WWOX: variants seen among roughly 807,000 people sequenced by gnomAD.
The protein encoded by WWOX is WW domain-containing oxidoreductase.
Under a neutral mutation model 46.2 loss-of-function variants are expected in WWOX, and 69 were observed. That is an observed-to-expected ratio of 1.49 (90% confidence interval 1.23 to 1.82). WWOX has a LOEUF of 1.82. WWOX is among the 40% of genes most tolerant of loss of function. The probability of loss-of-function intolerance (pLI) is 0.00; values close to 1 mark genes in which losing one functional copy is unlikely to be tolerated. For synonymous variants in WWOX, 359 were observed against 202.6 expected (o/e 1.77, Z -6.56); for missense variants, 919 against 542.6 (o/e 1.69, Z -6.89).
chr16:78,745,918 G>C (rs2049337441), intron 8 of WWOX, among the ~76,000 whole-genome samples: 2 of 152,034 alleles, frequency 1.3e-5, no homozygotes, highest in South Asian at 4.2e-4. Flanking sequence ...AACCTGCCAA[G>C]GAAAACACTC....
intron 8 of WWOX, among the ~76,000 whole-genome samples, chr16:79,134,844 C>G (rs1032222572): frequency 3.3e-5 from 5 of 152,116 alleles, no homozygotes; most frequent in Non-Finnish European, 7.4e-5. Flanking sequence ...TGGGTCCCCA[C>G]CAGGGGTGGC....
intron 8 of WWOX, among the ~76,000 whole-genome samples, chr16:79,086,439 A>C (rs1437482867): frequency 1.3e-5 from 2 of 152,206 alleles, no homozygotes; most frequent in African/African-American, 4.8e-5. Flanking sequence ...GCTCTAATTT[A>C]CTTAAGATGA....
chr16:78,336,434 A>T (rs2080889646), intron 5 of WWOX, among the ~76,000 whole-genome samples: 1 of 141,952 alleles, frequency 7.0e-6, no homozygotes, highest in African/African-American at 2.6e-5. Flanking sequence ...TGAATCCAGG[A>T]GGTGAACGTT....
intron 8 of WWOX, among the ~76,000 whole-genome samples, chr16:78,955,976 A>C (rs1008740202): frequency 6.6e-6 from 1 of 150,498 alleles, no homozygotes; most frequent in East Asian, 1.9e-4. Context: ...TTAGAAAAAA[A>C]CAAAAAACAA....
chr16:78,311,302 A>T (rs180820969), intron 5 of WWOX, among the ~76,000 whole-genome samples: 1 of 152,208 alleles, frequency 6.6e-6, no homozygotes, highest in African/African-American at 2.4e-5. Context: ...ATATAAACAA[A>T]TTCCTTTCTT....
chr16:79,041,691 A>C (rs1025620689), intron 8 of WWOX, among the ~76,000 whole-genome samples: 9 of 152,158 alleles, frequency 5.9e-5, no homozygotes, highest in Admixed American at 2.0e-4. Context: ...TGCAAATGGC[A>C]AGGGCATGAG....
intron 8 of WWOX, among the ~76,000 whole-genome samples, chr16:78,748,799 A>G (rs1597542393): frequency 6.6e-6 from 1 of 152,358 alleles, no homozygotes; most frequent in East Asian, 1.9e-4. Flanking sequence ...TTGCCCTCTG[A>G]CACGGCAAAC....
intron 8 of WWOX, among the ~76,000 whole-genome samples, chr16:79,161,589 C>A (rs1327032221): frequency 6.6e-6 from 1 of 152,144 alleles, no homozygotes; most frequent in Non-Finnish European, 1.5e-5. Context: ...GTGGCGTGAT[C>A]TTGGCTCACT....
intron 8 of WWOX, among the ~76,000 whole-genome samples, chr16:79,182,871 C>G (rs2050939754): frequency 6.6e-6 from 1 of 152,156 alleles, no homozygotes; most frequent in African/African-American, 2.4e-5. Flanking sequence ...GTAATTCCAG[C>G]TAGGCAAAGA....
chr16:78,884,853 C>A (rs780964062), intron 8 of WWOX, among the ~76,000 whole-genome samples: 1 of 152,172 alleles, frequency 6.6e-6, no homozygotes, highest in South Asian at 2.1e-4. Context: ...TCATATCTGA[C>A]AGTTGTTGAG....
chr16:78,615,033 C>A (rs967816619), intron 8 of WWOX, among the ~76,000 whole-genome samples: 1 of 152,160 alleles, frequency 6.6e-6, no homozygotes, highest in Non-Finnish European at 1.5e-5. Context: ...GAAGGTAGGG[C>A]TAATGCATTG....
intron 8 of WWOX, among the ~76,000 whole-genome samples, chr16:79,160,882 TACACATATAC>T (rs2050473357): frequency 2.1e-5 from 2 of 93,916 alleles, no homozygotes; most frequent in East Asian, 9.5e-4. Context: ...ATTGTGTACA[TACACATATAC>T]ATATACACAT....
chr16:79,123,104 C>T (rs942421736), intron 8 of WWOX, among the ~76,000 whole-genome samples: 5 of 152,146 alleles, frequency 3.3e-5, no homozygotes, highest in South Asian at 2.1e-4. Flanking sequence ...AATTTCTGGT[C>T]TGTGCGTGCT....
intron 8 of WWOX, among the ~76,000 whole-genome samples, chr16:79,074,508 G>T (rs1417517876): frequency 7.0e-6 from 1 of 143,682 alleles, no homozygotes; most frequent in East Asian, 2.1e-4. Flanking sequence ...GGAATGGAGA[G>T]ACCTGGGATT....
chr16:78,874,691 T>C (rs1271940609), intron 8 of WWOX, among the ~76,000 whole-genome samples: 4 of 143,252 alleles, frequency 2.8e-5, no homozygotes, highest in East Asian at 2.0e-4. Context: ...TTTCTTTTTT[T>C]TTTTTTTTTT....
At chr16:79,069,420 G>C (rs2048506787) in intron 8 of WWOX, among the ~76,000 whole-genome samples, 2 of 152,116 alleles carry the variant, frequency 1.3e-5, no homozygotes, top group Non-Finnish European at 2.9e-5. Context: ...TTAAACTGTG[G>C]TTTAAAGACC....
chr16:79,129,496 A>G lies in WWOX; in HGVS notation c.1057-82112A>G, dbSNP rs1471474549. On this transcript the variant is annotated intron_variant, in intron 8 of 8. Transcript: ENST00000566780. The stretch of plus-strand genomic sequence containing the variant: ...TACATGATTGTGTTTTAAAAGCTAC[A>G]TACATTAGGTTTAAGCTGCAGAAAA... Among the ~76,000 whole-genome samples the G allele has an allele frequency of 3.3e-5, 5 of 151,644 alleles. No homozygotes were observed. In the East Asian group the frequency reaches 5.8e-4, roughly 18 times the overall value.
At chr16:78,922,758 G>A (rs1343586815) in intron 8 of WWOX, among the ~76,000 whole-genome samples, 1 of 152,278 alleles carries the variant, frequency 6.6e-6, no homozygotes, top group East Asian at 1.9e-4. Context: ...GGAAGCTGAG[G>A]CTCACAGGTT....
intron 8 of WWOX, among the ~76,000 whole-genome samples, chr16:79,078,764 A>T (rs1467278673): frequency 6.6e-6 from 1 of 152,234 alleles, no homozygotes; most frequent in East Asian, 1.9e-4. Context: ...TCCATCTTTT[A>T]GAATGTCTTC....
Sources: gnomAD v4.1 joint callset for allele counts (sites outside exome capture counted in the v4.1 genomes callset) on GRCh38, gnomAD v4.1.1 for gene constraint, MANE v1.5 for transcripts, NCBI Gene and HGNC (gene_info 2026-07-23, HGNC 2026-07-21) for gene names.